Variants in PTPRG observed in about 807,000 individuals in gnomAD.
PTPRG encodes protein tyrosine phosphatase receptor type G, also known as receptor-type tyrosine-protein phosphatase gamma.
In PTPRG, 102 loss-of-function variants were observed where a neutral mutation model predicts 165.3. The observed-to-expected ratio is 0.62, with a 90% CI of 0.53 to 0.73. The LOEUF (loss-of-function observed/expected upper bound fraction) is 0.73, where lower values mean the gene tolerates loss of function less well. PTPRG is among the 30% of genes least tolerant of loss of function. The probability of loss-of-function intolerance (pLI) is 0.00; values close to 1 mark genes in which losing one functional copy is unlikely to be tolerated. For synonymous variants in PTPRG, 675 were observed against 669.5 expected, an observed-to-expected ratio of 1.01 and a Z score of -0.13; for missense variants, 1,866 against 1,861.4, an observed-to-expected ratio of 1.00 and a Z score of -0.05.
chr3:61,926,020 C>G (rs1214815328), intron 2 of PTPRG: 1 of 452,248 alleles, frequency 2.2e-6, no homozygotes. Context: ...ACCTCAGACC[C>G]TTCCTGTAAC....
intron 8 of PTPRG, among the ~76,000 whole-genome samples, chr3:62,176,758 T>G (rs1464926152): frequency 1.3e-5 from 2 of 152,040 alleles, no homozygotes; most frequent in Non-Finnish European, 2.9e-5. Flanking sequence ...TGTGCATCCT[T>G]GGATGAGGAG....
chr3:62,182,441 T>C (rs941320051), intron 8 of PTPRG, among the ~76,000 whole-genome samples: 5 of 152,220 alleles, frequency 3.3e-5, no homozygotes, highest in African/African-American at 1.2e-4. Context: ...TTTTTTGCTA[T>C]CTAAGTTCAC....
chr3:61,569,462 A>AT (rs1238297503), intron 1 of PTPRG, among the ~76,000 whole-genome samples: 1 of 152,134 alleles, frequency 6.6e-6, no homozygotes. Context: ...CTCAATAACC[A>AT]TTTTTTTAAA....
intron 4 of PTPRG, among the ~76,000 whole-genome samples, chr3:62,004,489 C>T (rs941580086): frequency 1.3e-5 from 2 of 152,178 alleles, no homozygotes; most frequent in African/African-American, 4.8e-5. Context: ...CAAATACCTC[C>T]TTGCCCCTCC....
At chr3:62,230,315 A>G (rs1700870150) in intron 13 of PTPRG, among the ~76,000 whole-genome samples, 1 of 152,218 alleles carries the variant, frequency 6.6e-6, no homozygotes, top group Non-Finnish European at 1.5e-5. Flanking sequence ...AGCGGACTCA[A>G]TAGTTAACAA....
chr3:61,873,371 G>A (rs188780681), intron 2 of PTPRG, among the ~76,000 whole-genome samples: 27 of 152,158 alleles, frequency 1.8e-4, no homozygotes, highest in African/African-American at 6.3e-4. Context: ...CTCATAAGAT[G>A]TCATATCTTA....
chr3:62,106,770 C>A (rs573438990), intron 5 of PTPRG, among the ~76,000 whole-genome samples: 1 of 152,288 alleles, frequency 6.6e-6, no homozygotes, highest in African/African-American at 2.4e-5. Context: ...TCTTGTGTTT[C>A]ATCTGGCCTG....
intron 2 of PTPRG, among the ~76,000 whole-genome samples, chr3:61,859,095 A>G (rs2037190387): frequency 6.6e-6 from 1 of 152,188 alleles, no homozygotes; most frequent in South Asian, 2.1e-4. Flanking sequence ...TAAGCAAAAT[A>G]AAGCTTAATC....
intron 2 of PTPRG, among the ~76,000 whole-genome samples, chr3:61,905,858 C>T (rs2038634722): frequency 6.6e-6 from 1 of 152,214 alleles, no homozygotes; most frequent in African/African-American, 2.4e-5. Context: ...AATACTTCTT[C>T]TCTAGATGAA....
intron 1 of PTPRG, among the ~76,000 whole-genome samples, chr3:61,662,705 A>G (rs936236479): frequency 4.6e-5 from 7 of 152,220 alleles, no homozygotes; most frequent in Admixed American, 1.3e-4. Flanking sequence ...ATGGGGTCCA[A>G]TGATGTTGCA....
At chr3:61,890,423 G>GTTTTTTTTTTTTTTTT (rs11328993) in intron 2 of PTPRG, among the ~76,000 whole-genome samples, 16 of 119,200 alleles carry the variant, frequency 1.3e-4, no homozygotes, top group African/African-American at 2.9e-4. Flanking sequence ...TTTTTTTTTT[G>GTTTTTTTTTTTTTTTT]TTTTTTTTTT....
intron 4 of PTPRG, among the ~76,000 whole-genome samples, chr3:62,037,711 TA>T: frequency 6.6e-6 from 1 of 152,278 alleles, no homozygotes; most frequent in East Asian, 1.9e-4. Flanking sequence ...ATGGCTTAAA[TA>T]AGAAATTAAT....
At chr3:62,072,609 A>ATGTGTGTGTGTGTG (rs1174208882) in intron 4 of PTPRG, among the ~76,000 whole-genome samples, 13 of 141,154 alleles carry the variant, frequency 9.2e-5, no homozygotes, top group African/African-American at 3.7e-4. Context: ...GAGAATATAT[A>ATGTGTGTGTGTGTG]TGTGTATGTG....
rs180893174 is a variant in PTPRG, at chr3:61,905,027, C to G, written c.191-84598C>G. ...AAGGAAAGGCTTTTTTTCCCCCAGT[C>G]CCTAGAAGACCTCAAAGGAGCTGCT... On this transcript the variant is annotated intron_variant, in intron 2 of 29. Transcript: ENST00000474889. Among the ~76,000 whole-genome samples, 125 of 151,976 alleles carry G rather than the reference C, an allele frequency of 8.2e-4. 2 individuals are homozygous for G. Among genetic ancestry groups the G allele is most frequent in the Admixed American group, 9.8e-4 (15 of 15,268 alleles).
intron 2 of PTPRG, among the ~76,000 whole-genome samples, chr3:61,944,355 C>T (rs1575810469): frequency 1.3e-5 from 2 of 152,208 alleles, no homozygotes; most frequent in South Asian, 4.1e-4. Context: ...CCCTCCTGTT[C>T]TTAAGATTGG....
At position 62,052,004 on chromosome 3, in the gene PTPRG, C is replaced by T. The variant is rs187023574; in HGVS notation, c.520-26159C>T. ...AGACAAATGGCTTAATCAACATGGT[C>T]TCTGTCACCCATCTTCTGAGTAAAA... On this transcript the variant is annotated intron_variant, in intron 4 of 29. Transcript: ENST00000474889. 1.2e-4 allele frequency among the ~76,000 whole-genome samples: 18 copies of T among 152,292 alleles called. No individual in the cohort carries two copies. The East Asian group carries it at 3.3e-3, about 28-fold the overall frequency.
chr3:62,162,300 A>G (rs1022378710), intron 7 of PTPRG, among the ~76,000 whole-genome samples: 1 of 150,976 alleles, frequency 6.6e-6, no homozygotes, highest in African/African-American at 2.4e-5. Context: ...ATTGTTCTTG[A>G]AACAGCACCA....
intron 1 of PTPRG, among the ~76,000 whole-genome samples, chr3:61,577,360 T>G (rs1700192993): frequency 6.6e-6 from 1 of 152,200 alleles, no homozygotes; most frequent in South Asian, 2.1e-4. Context: ...GAGCCTTTGC[T>G]TAATGAATGT....
intron 4 of PTPRG, among the ~76,000 whole-genome samples, chr3:62,076,755 A>G (rs925641028): frequency 2.0e-5 from 3 of 151,186 alleles, no homozygotes; most frequent in Non-Finnish European, 2.9e-5. Flanking sequence ...CTAATTTTGT[A>G]TTTTTTGTAG....
Sources: allele counts gnomAD v4.1 joint callset (sites outside exome capture counted in the v4.1 genomes callset), GRCh38; gene constraint gnomAD v4.1.1; transcripts MANE v1.5; gene names NCBI Gene and HGNC (gene_info 2026-07-23, HGNC 2026-07-21).